The following CCDC167 variants were observed in gnomAD, a reference collection of about 807,000 sequenced individuals.
CCDC167 encodes coiled-coil domain-containing protein 167.
CCDC167 carries 15 observed loss-of-function variants against 12.7 expected under a neutral mutation model. The ratio of observed to expected loss-of-function variants is 1.18; its 90% CI spans 0.79 to 1.81. The LOEUF is 1.81. Ranked by LOEUF, CCDC167 falls within the 40% of genes most tolerant of loss-of-function variation. The probability of loss-of-function intolerance (pLI) is 0.00; values close to 1 mark genes in which losing one functional copy is unlikely to be tolerated. For missense variants in CCDC167, 121 were observed against 120.1 expected, an observed-to-expected ratio of 1.01 and a Z score of -0.03; for synonymous variants, 52 against 49.0, an observed-to-expected ratio of 1.06 and a Z score of -0.26.
At position 37,499,885 on chromosome 6, in the gene CCDC167, G is replaced by A. The variant is rs754426110; in HGVS notation, c.-22C>T. The A allele has an allele frequency of 6.2e-7, 1 of 1,613,894 alleles. No homozygotes were observed. The highest frequency in any genetic ancestry group is 1.3e-5 in the African/African-American group (1 of 74,902). ...TCATGTTACTTGCCGGGATCCCCCA[G>A]TCATCACTGGACGCGCCCACCAAGT... On this transcript the variant is annotated 5_prime_UTR_variant, in exon 1 of 4. Transcript: ENST00000373408.
intron 1 of CCDC167, among the ~76,000 whole-genome samples, chr6:37,491,468 G>A (rs1313683400): frequency 1.3e-5 from 2 of 152,184 alleles, no homozygotes; most frequent in East Asian, 1.9e-4. Context: ...CTGTCTCTCC[G>A]GCTTTACTCT....
intron 1 of CCDC167, among the ~76,000 whole-genome samples, chr6:37,495,209 C>G (rs1323237224): frequency 6.6e-6 from 1 of 152,166 alleles, no homozygotes; most frequent in Non-Finnish European, 1.5e-5. Context: ...ACTTTCTGTA[C>G]TAGGGGTCAG....
chr6:37,497,009 A>C (rs1340538514), intron 1 of CCDC167, among the ~76,000 whole-genome samples: 1 of 152,178 alleles, frequency 6.6e-6, no homozygotes, highest in Non-Finnish European at 1.5e-5. Flanking sequence ...ATCTCAAGAG[A>C]TGGTGAAGCC....
rs933564085 is a variant in CCDC167 at position 37,483,004 on chromosome 6, A to T, written c.*182T>A. ...AGGGACCAGCACCATGTCCTTCTGG[A>T]GACCCGGAACCCCCCAGCAGGCCAG... On this transcript the variant is annotated 3_prime_UTR_variant, in exon 4 of 4. Transcript: ENST00000373408. 7.4e-6 allele frequency: 5 copies of T among 676,440 alleles called. No homozygotes were observed. Among genetic ancestry groups the T allele is most frequent in the African/African-American group, 7.1e-5 (4 of 56,246 alleles). The allele number at this position is 676,440 out of a possible 1,614,324, so 41.9% of individuals were successfully genotyped here.
chr6:37,492,306 C>A (rs1353975261), intron 1 of CCDC167, among the ~76,000 whole-genome samples: 3 of 152,028 alleles, frequency 2.0e-5, no homozygotes, highest in African/African-American at 4.8e-5. Context: ...CCCATCTAAG[C>A]TTGCTGATCT....
chr6:37,485,267 G>A, intron 1 of CCDC167, 73 bp from the exon 2 acceptor site: 4 of 1,156,150 alleles, frequency 3.5e-6, no homozygotes, highest in Non-Finnish European at 1.3e-6. Flanking sequence ...GGGAAGCAGG[G>A]CCTCCGGGAG....
intron 1 of CCDC167, among the ~76,000 whole-genome samples, chr6:37,492,234 C>T (rs1224013968): frequency 6.6e-6 from 1 of 152,242 alleles, no homozygotes; most frequent in East Asian, 1.9e-4. Context: ...TCTCCAAAAT[C>T]CCTCATGAAA....
chr6:37,485,076 G>C (rs755173588), intron 2 of CCDC167, 24 bp downstream of exon 2: 4 of 1,591,694 alleles, frequency 2.5e-6, no homozygotes, highest in East Asian at 2.2e-5. Flanking sequence ...GGGGAAGGGT[G>C]GGGTGGCTGG....
rs750000322 is a variant in CCDC167, at chr6:37,483,212, G to A, written c.268C>T (p.Leu90Phe). ...LSVAIFILLT[L>F]VYAYWTM is the part of the protein sequence containing the mutation. The stretch of plus-strand genomic sequence containing the variant: ...CACATGGTCCAGTAGGCATAGACGA[G>A]CGTCAGGAGGATAAAGATGGCCACA... The change falls in exon 4 of 4, where the codon CTC (leucine) becomes TTC (phenylalanine). Residue 90 changes from leucine to phenylalanine, a missense_variant. Physicochemically the swap from Leu to Phe is conservative, Grantham distance 22. Transcript: ENST00000373408. 34 of 1,613,966 alleles carry A rather than the reference G, an allele frequency of 2.1e-5. No individual in the cohort carries two copies. In the South Asian group the frequency reaches 3.6e-4, roughly 17 times the overall value.
chr6:37,498,315 T>G (rs1249934286), intron 1 of CCDC167, among the ~76,000 whole-genome samples: 1 of 151,926 alleles, frequency 6.6e-6, no homozygotes, highest in Non-Finnish European at 1.5e-5. Context: ...AGTTTTGGAG[T>G]TTCTCTGTTA....
intron 1 of CCDC167, among the ~76,000 whole-genome samples, chr6:37,489,253 CA>C (rs747421465): frequency 6.7e-6 from 1 of 149,228 alleles, no homozygotes; most frequent in African/African-American, 2.5e-5. Context: ...AACAAACAAA[CA>C]AAAAAAAACA....
At chr6:37,488,828 G>T (rs1176900507) in intron 1 of CCDC167, among the ~76,000 whole-genome samples, 1 of 152,230 alleles carries the variant, frequency 6.6e-6, no homozygotes, top group Non-Finnish European at 1.5e-5. Context: ...TGCTTTACAT[G>T]GTCAGAGTTC....
chr6:37,499,713 C>T, intron 1 of CCDC167, 109 bp downstream of exon 1: 5 of 1,264,334 alleles, frequency 4.0e-6, no homozygotes, highest in Non-Finnish European at 5.7e-6. Flanking sequence ...GCGTCGCCCT[C>T]TCATCCTACG....
rs70977666 is a variant in CCDC167 at position 37,494,056 on chromosome 6, C to CTTT, written c.42+5763_42+5765dup. On this transcript the variant is annotated intron_variant, in intron 1 of 3. Transcript: ENST00000373408. ...CACTTCTCATGGTCAGTGATCCTGCCTTTTTTTTTTTTTTTTTTTTTTTTT... is the reference window on the plus strand; with the variant it reads ...CACTTCTCATGGTCAGTGATCCTGCCTTTTTTTTTTTTTTTTTTTTTTTTTTTT... 1.8e-3 allele frequency among the ~76,000 whole-genome samples: 167 copies of CTTT among 91,378 alleles called. 17 individuals carry two copies. Among genetic ancestry groups the CTTT allele is most frequent in the African/African-American group, 4.6e-3 (109 of 23,442 alleles). The allele number at this position is 91,378 out of a possible 152,430, so 59.9% of individuals were successfully genotyped here. A position where few individuals can be genotyped will look rare whatever the true frequency, so the allele number is the denominator to read the frequency against.
chr6:37,485,242 C>CA, intron 1 of CCDC167, 48 bp from the exon 2 acceptor site: 1 of 1,438,194 alleles, frequency 7.0e-7, no homozygotes, highest in Non-Finnish European at 9.7e-7. Context: ...TTCTAGCTCT[C>CA]AAAACACTGG....
chr6:37,495,707 G>A (rs1762089270), intron 1 of CCDC167, among the ~76,000 whole-genome samples: 1 of 152,216 alleles, frequency 6.6e-6, no homozygotes, highest in Non-Finnish European at 1.5e-5. Flanking sequence ...CTAAGGGTGA[G>A]TGCTGCCTGC....
intron 1 of CCDC167, among the ~76,000 whole-genome samples, chr6:37,495,633 G>A (rs1358407447): frequency 6.6e-6 from 1 of 152,202 alleles, no homozygotes; most frequent in Admixed American, 6.5e-5. Context: ...CTTTGAGGGG[G>A]AGGCTAGAGG....
chr6:37,499,883 C>A lies in CCDC167; in HGVS notation c.-20G>T, dbSNP rs370703673. On this transcript the variant is annotated 5_prime_UTR_variant, in exon 1 of 4. Transcript: ENST00000373408. ...AGTCATGTTACTTGCCGGGATCCCC[C>A]AGTCATCACTGGACGCGCCCACCAA... 1.2e-6 allele frequency: 2 copies of A among 1,614,102 alleles called. No homozygotes were observed. The highest frequency in any genetic ancestry group is 1.7e-5 in the Admixed American group (1 of 60,016).
intron 1 of CCDC167, among the ~76,000 whole-genome samples, chr6:37,493,297 T>C (rs1003306073): frequency 6.6e-6 from 1 of 152,206 alleles, no homozygotes; most frequent in African/African-American, 2.4e-5. Context: ...CGGAAGGTGG[T>C]GTGGGGTTTG....
Sources: allele counts gnomAD v4.1 joint callset (sites outside exome capture counted in the v4.1 genomes callset), GRCh38; gene constraint gnomAD v4.1.1; transcripts MANE v1.5; gene names NCBI Gene and HGNC (gene_info 2026-07-23, HGNC 2026-07-21).